The following PDZD8 variants were observed in gnomAD, a reference collection of about 807,000 sequenced individuals.
The protein encoded by PDZD8 is PDZ domain containing 8.
A neutral mutation model predicts 85.8 loss-of-function variants in PDZD8; 14 were observed. The observed-to-expected ratio is 0.16, with a 90% CI of 0.11 to 0.26. The LOEUF is 0.26. PDZD8 is among the 10% of genes least tolerant of loss of function. The pLI is 1.00. For missense variants in PDZD8, 1,197 were observed against 1,424.3 expected (o/e 0.84, Z 2.57); for synonymous variants, 592 against 568.6 (o/e 1.04, Z -0.59).
chr10:117,341,513 C>T (rs1219133519), intron 1 of PDZD8, among the ~76,000 whole-genome samples: 1 of 152,158 alleles, frequency 6.6e-6, no homozygotes, highest in Admixed American at 6.5e-5. Flanking sequence ...GGTTCCAGTA[C>T]TTCCCAAGGA....
At chr10:117,336,061 G>A (rs1844511136) in intron 2 of PDZD8, among the ~76,000 whole-genome samples, 1 of 152,224 alleles carries the variant, frequency 6.6e-6, no homozygotes, top group Non-Finnish European at 1.5e-5. Flanking sequence ...GAGATATCTT[G>A]AAGATGAGAC....
rs1844190504 is a variant in PDZD8 at position 117,319,435 on chromosome 10, TC to T, written c.996-462del. 7.9e-3 allele frequency among the ~76,000 whole-genome samples: 148 copies of T among 18,684 alleles called. 1 individual carries two copies. The highest frequency in any genetic ancestry group is 0.011 in the African/African-American group (140 of 13,158). The allele number at this position is 18,684 out of a possible 152,430, so 12.3% of individuals were successfully genotyped here. ...CACACACACACACACACACACACAC[TC>T]TTCATCTACTAATGTGACCTCAGGC... is the stretch of plus-strand genomic sequence containing the variant. On this transcript the variant is annotated intron_variant, in intron 2 of 4. Coordinates refer to ENST00000334464, the MANE Select transcript of PDZD8 (RefSeq NM_173791.5).
At chr10:117,302,372 C>T (rs1289637586) in intron 3 of PDZD8, among the ~76,000 whole-genome samples, 2 of 152,202 alleles carry the variant, frequency 1.3e-5, no homozygotes, top group East Asian at 3.8e-4. Context: ...CACAATCACA[C>T]CATCTTTTTC....
intron 3 of PDZD8, among the ~76,000 whole-genome samples, chr10:117,301,685 G>A (rs1420559953): frequency 6.6e-6 from 1 of 152,172 alleles, no homozygotes; most frequent in African/African-American, 2.4e-5. Context: ...CCCAATTAGA[G>A]GCAGCAAGAA....
chr10:117,316,460 G>A (rs141123380), intron 3 of PDZD8, among the ~76,000 whole-genome samples: 24 of 152,162 alleles, frequency 1.6e-4, no homozygotes, highest in African/African-American at 4.6e-4. Flanking sequence ...ACTGCTTGAG[G>A]ACAGGAGTTC....
chr10:117,283,997 G>C lies in PDZD8; in HGVS notation c.2736C>G (p.Thr912=). ...LKNLRLEGQE[T]LLGLPPRVDA... ...CAACACGAGGAGGCAGGCCTAAGAG[G>C]GTTTCCTGTCCTTCCAGCCTAAGGT... The change falls in exon 5 of 5, where the codon ACC becomes ACG. Residue 912 remains threonine, a synonymous_variant. Transcript: ENST00000334464. The C allele has an allele frequency of 6.2e-7, 1 of 1,614,170 alleles. No homozygotes were observed. The highest frequency in any genetic ancestry group is 8.5e-7 in the Non-Finnish European group (1 of 1,180,022).
At chr10:117,325,403 A>ATTTTTTTTTT (rs1564700233) in intron 2 of PDZD8, among the ~76,000 whole-genome samples, 2 of 20,018 alleles carry the variant, frequency 1.0e-4, no homozygotes, top group African/African-American at 1.3e-4. Flanking sequence ...AGAAAAGCCA[A>ATTTTTTTTTT]CTTTTTTTTT....
At chr10:117,361,244 G>A (rs1404046383) in intron 1 of PDZD8, among the ~76,000 whole-genome samples, 1 of 151,916 alleles carries the variant, frequency 6.6e-6, no homozygotes, top group Non-Finnish European at 1.5e-5. Flanking sequence ...ACTGAGTCGG[G>A]GCAATTTTTT....
chr10:117,296,014 C>T (rs555191478), intron 3 of PDZD8, among the ~76,000 whole-genome samples: 5 of 151,328 alleles, frequency 3.3e-5, no homozygotes, highest in Admixed American at 2.0e-4. Flanking sequence ...GTGTAAAGAT[C>T]GGAAGGGAGG....
chr10:117,332,806 C>A (rs1477534936), intron 2 of PDZD8, among the ~76,000 whole-genome samples: 5 of 150,522 alleles, frequency 3.3e-5, no homozygotes, highest in South Asian at 2.1e-4. Context: ...CACGCCTGGC[C>A]TCTGTAAAGT....
intron 1 of PDZD8, among the ~76,000 whole-genome samples, chr10:117,349,280 A>G (rs181442): frequency 7.9e-4 from 120 of 152,322 alleles, no homozygotes; most frequent in Non-Finnish European, 1.6e-3. Context: ...GAGAGGCAGA[A>G]GGAATGAGAA....
At position 117,284,411 on chromosome 10, in the gene PDZD8, C is replaced by CAAA; in HGVS notation, c.2321_2322insTTT (p.Leu774dup). On this transcript the variant is annotated inframe_insertion, in exon 5 of 5. Transcript: ENST00000334464. ...TGTCATTGAATCCCTTTTGCATACT[C>CAAA]AGATTGCGTAGTGCGGTTCTAGTGA... is the stretch of plus-strand genomic sequence containing the variant. 1 of 1,614,132 alleles carries CAAA rather than the reference C, an allele frequency of 6.2e-7. No homozygotes were observed. The highest frequency in any genetic ancestry group is 8.5e-7 in the Non-Finnish European group (1 of 1,180,016).
At position 117,277,434 on chromosome 10, in the gene PDZD8, T is replaced by C; in HGVS notation, c.*5834A>G. On this transcript the variant is annotated 3_prime_UTR_variant, in exon 5 of 5. Transcript: ENST00000334464. Reference sequence around the variant, plus strand: ...TTATGGTCGATTGCCAACAGCCTTATAAAGAAAAAGAAGCTTTTCTAGGGG... The same window carrying C: ...TTATGGTCGATTGCCAACAGCCTTACAAAGAAAAAGAAGCTTTTCTAGGGG... 2.4e-6 allele frequency: 1 copy of C among 424,748 alleles called. No homozygotes were observed. The highest frequency in any genetic ancestry group is 3.6e-5 in the East Asian group (1 of 27,604). 26.3% of individuals were successfully genotyped at this position (424,748 alleles called of 1,614,324 possible).
rs912304860 is a variant in PDZD8, at chr10:117,291,297, G to A, written c.1099-949C>T. ...CTGTAATCCCAGCACTTGGGAGGCC[G>A]AGGTGGGCGGATCAGGAGGTCAGGA... On this transcript the variant is annotated intron_variant, in intron 3 of 4. Transcript: ENST00000334464. 2.6e-5 allele frequency among the ~76,000 whole-genome samples: 4 copies of A among 151,840 alleles called. No homozygotes were observed. The East Asian group carries it at 5.9e-4, about 22-fold the overall frequency.
At chr10:117,344,154 A>C (rs926623749) in intron 1 of PDZD8, among the ~76,000 whole-genome samples, 2 of 152,244 alleles carry the variant, frequency 1.3e-5, no homozygotes, top group Non-Finnish European at 2.9e-5. Context: ...ATCGACTTTA[A>C]GGATGACAGT....
intron 1 of PDZD8, among the ~76,000 whole-genome samples, chr10:117,354,344 T>A (rs988217914): frequency 2.2e-4 from 34 of 152,258 alleles, no homozygotes; most frequent in Non-Finnish European, 8.8e-5. Flanking sequence ...CTAATCAAGT[T>A]CGTGGCTTGT....
chr10:117,310,675 AGTC>A (rs1398116903), intron 3 of PDZD8, among the ~76,000 whole-genome samples: 9 of 152,208 alleles, frequency 5.9e-5, no homozygotes, highest in African/African-American at 2.2e-4. Context: ...AATTTCATTG[AGTC>A]CCTACTGTAT....
At chr10:117,334,646 A>G (rs1844485749) in intron 2 of PDZD8, among the ~76,000 whole-genome samples, 1 of 152,216 alleles carries the variant, frequency 6.6e-6, no homozygotes, top group Non-Finnish European at 1.5e-5. Context: ...AAAGGAAAAC[A>G]TAATGAGTGA....
chr10:117,297,373 C>T (rs563777133), intron 3 of PDZD8, among the ~76,000 whole-genome samples: 3 of 152,230 alleles, frequency 2.0e-5, no homozygotes, highest in South Asian at 4.1e-4. Context: ...TAAACATACA[C>T]TCACCATAGG....
Sources: allele counts gnomAD v4.1 joint callset (sites outside exome capture counted in the v4.1 genomes callset), GRCh38; gene constraint gnomAD v4.1.1; transcripts MANE v1.5; gene names NCBI Gene and HGNC (gene_info 2026-07-23, HGNC 2026-07-21).